Variants in CFAP141 observed in about 807,000 individuals in gnomAD.
CFAP141 encodes cilia- and flagella-associated protein 141.
the CFAP141 span, among the ~76,000 whole-genome samples, chr1:154,201,232 G>A: frequency 5.3e-5 from 8 of 152,136 alleles, no homozygotes; most frequent in Non-Finnish European, 7.3e-5. Context: ...CCGGGTTCAA[G>A]TGATTCTCCT....
the CFAP141 span, among the ~76,000 whole-genome samples, chr1:154,203,172 AATATAT>A: frequency 4.1e-4 from 12 of 29,514 alleles, no homozygotes; most frequent in Admixed American, 7.3e-4. Flanking sequence ...TGACTGGGCA[AATATAT>A]ATATATATAT....
the CFAP141 span, among the ~76,000 whole-genome samples, chr1:154,203,229 A>G: frequency 2.2e-5 from 1 of 44,710 alleles, no homozygotes; most frequent in African/African-American, 1.0e-4. Context: ...ATATATATAT[A>G]TATATACTTT....
the CFAP141 span, among the ~76,000 whole-genome samples, chr1:154,206,052 A>C: frequency 6.6e-6 from 1 of 152,154 alleles, no homozygotes; most frequent in African/African-American, 2.4e-5. Flanking sequence ...TAGGGAGAGG[A>C]AAGCTCTACT....
At chr1:154,199,648 A>G in the CFAP141 span, 14 of 691,028 alleles carry the variant, frequency 2.0e-5, no homozygotes, top group African/African-American at 1.6e-4. Context: ...TAGCTGTGAC[A>G]TAAAGCTGGG....
At chr1:154,200,568 T>C in the CFAP141 span, 1 of 1,613,964 alleles carries the variant, frequency 6.2e-7, no homozygotes, top group South Asian at 1.1e-5. Context: ...CCACAGACAG[T>C]GAGTATGTGA....
At chr1:154,202,928 C>T in the CFAP141 span, among the ~76,000 whole-genome samples, 11 of 151,628 alleles carry the variant, frequency 7.3e-5, no homozygotes, top group South Asian at 2.3e-3. Flanking sequence ...CAAGACCAGT[C>T]TGGCCAACAT....
chr1:154,203,579 C>T, the CFAP141 span, among the ~76,000 whole-genome samples: 3 of 151,806 alleles, frequency 2.0e-5, no homozygotes, highest in Non-Finnish European at 4.4e-5. Flanking sequence ...CAGGTGTGTG[C>T]CTGGCTAATT....
the CFAP141 span, among the ~76,000 whole-genome samples, chr1:154,199,117 T>C: frequency 6.6e-6 from 1 of 152,224 alleles, no homozygotes; most frequent in African/African-American, 2.4e-5. Flanking sequence ...TTATTTGTTA[T>C]ACCAAATCAG....
the CFAP141 span, among the ~76,000 whole-genome samples, chr1:154,203,379 C>T: frequency 6.7e-6 from 1 of 149,546 alleles, no homozygotes; most frequent in African/African-American, 2.5e-5. Context: ...TCTGCCTCAG[C>T]CTCCTGGGTA....
chr1:154,206,139 C>A, the CFAP141 span: 1 of 834,508 alleles, frequency 1.2e-6, no homozygotes, highest in South Asian at 1.3e-5. Flanking sequence ...CTAGACACAG[C>A]CTCCCACTCC....
the CFAP141 span, among the ~76,000 whole-genome samples, chr1:154,202,575 C>T: frequency 1.3e-5 from 2 of 151,802 alleles, no homozygotes; most frequent in East Asian, 3.9e-4. Context: ...CCCAGGCGGG[C>T]AGATCACGAG....
the CFAP141 span, among the ~76,000 whole-genome samples, chr1:154,201,959 C>CA: frequency 5.4e-5 from 8 of 147,914 alleles, no homozygotes; most frequent in Non-Finnish European, 1.0e-4. Context: ...TTTTTGGAGA[C>CA]AGAGTCTCAC....
chr1:154,206,205 G>T, the CFAP141 span: 2 of 1,399,720 alleles, frequency 1.4e-6, no homozygotes, highest in Non-Finnish European at 2.0e-6. Flanking sequence ...AGTAAAAGAT[G>T]CACTTATAGT....
the CFAP141 span, among the ~76,000 whole-genome samples, chr1:154,202,372 G>A: frequency 6.6e-6 from 1 of 152,102 alleles, no homozygotes; most frequent in East Asian, 1.9e-4. Context: ...CACCATGCCA[G>A]GCCAGTTTTA....
chr1:154,206,253 CCCT>C, the CFAP141 span: 1 of 1,612,750 alleles, frequency 6.2e-7, no homozygotes, highest in Non-Finnish European at 8.5e-7. Flanking sequence ...TCAACCCAGC[CCCT>C]CCTTCCAACT....
chr1:154,200,508 T>G, the CFAP141 span: 1 of 1,614,206 alleles, frequency 6.2e-7, no homozygotes, highest in African/African-American at 1.3e-5. Flanking sequence ...CATGGTGTCC[T>G]GCATCCTTAG....
chr1:154,200,503 T>C, the CFAP141 span: 2 of 1,614,200 alleles, frequency 1.2e-6, no homozygotes, highest in Non-Finnish European at 1.7e-6. Context: ...TGTACCATGG[T>C]GTCCTGCATC....
chr1:154,204,874 T>G, the CFAP141 span, among the ~76,000 whole-genome samples: 1 of 150,048 alleles, frequency 6.7e-6, no homozygotes, highest in Non-Finnish European at 1.5e-5. Flanking sequence ...CATCAGTGTT[T>G]TTTTTTTTTT....
At chr1:154,200,380 C>T in the CFAP141 span, 1 of 1,495,844 alleles carries the variant, frequency 6.7e-7, no homozygotes, top group Non-Finnish European at 9.2e-7. Flanking sequence ...ATGACACACA[C>T]TAAGAGCTTG....
Sources: allele counts gnomAD v4.1 joint callset (sites outside exome capture counted in the v4.1 genomes callset), GRCh38; gene constraint gnomAD v4.1.1; transcripts MANE v1.5; gene names NCBI Gene and HGNC (gene_info 2026-07-23, HGNC 2026-07-21).